Variants in ZSWIM5 observed in about 807,000 individuals in gnomAD.
ZSWIM5 encodes zinc finger SWIM domain-containing protein 5.
Under a neutral mutation model 119.6 loss-of-function variants are expected in ZSWIM5, and 55 were observed. The observed-to-expected ratio is 0.46, with a 90% CI of 0.37 to 0.58. ZSWIM5 has a LOEUF of 0.58. Among genes scored for constraint, ZSWIM5 ranks in the 20% least tolerant of loss-of-function variants. The probability of loss-of-function intolerance (pLI) is 0.00; values close to 1 mark genes in which losing one functional copy is unlikely to be tolerated. For missense variants in ZSWIM5, 1,193 were observed against 1,512.8 expected, an observed-to-expected ratio of 0.79 and a Z score of 3.51; for synonymous variants, 537 against 606.9, an observed-to-expected ratio of 0.88 and a Z score of 1.69.
chr1:45,038,987 T>C lies in ZSWIM5; in HGVS notation c.1843A>G (p.Thr615Ala). The C allele has an allele frequency of 1.9e-6, 3 of 1,614,122 alleles. No individual in the cohort carries two copies. Among genetic ancestry groups the C allele is most frequent in the Non-Finnish European group, 2.5e-6 (3 of 1,180,024 alleles). Residue 615 changes from threonine to alanine, a missense_variant, in exon 8 of 14, where the codon ACT becomes GCT. Thr to Ala is a moderately conservative substitution (Grantham distance 58, BLOSUM62 0). This residue lies in a region of ZSWIM5 where 961 missense variants were observed against 1,290.0 expected (regional missense o/e 0.74). Transcript: ENST00000359600. ...PLDPIDCLFL[T>A]LTEACRLNDD... Reference sequence around the variant, plus strand: ...TTCAGGCGGCAGGCCTCAGTCAAAGTGAGAAACAGGCAGTCGATGGGATCC... The same window carrying C: ...TTCAGGCGGCAGGCCTCAGTCAAAGCGAGAAACAGGCAGTCGATGGGATCC...
chr1:45,146,603 C>A (rs1645762448), intron 1 of ZSWIM5, among the ~76,000 whole-genome samples: 1 of 151,746 alleles, frequency 6.6e-6, no homozygotes, highest in Non-Finnish European at 1.5e-5. Context: ...CCACGCCTGG[C>A]TAATTTTTGT....
chr1:45,058,847 T>G, intron 3 of ZSWIM5, 88 bp from the exon 4 acceptor site: 1 of 1,468,326 alleles, frequency 6.8e-7, no homozygotes, highest in Non-Finnish European at 9.4e-7. Flanking sequence ...GAAGTGAAGA[T>G]GAAGTATCTG....
chr1:45,114,335 T>C (rs1160599228), intron 1 of ZSWIM5, among the ~76,000 whole-genome samples: 2 of 152,162 alleles, frequency 1.3e-5, no homozygotes, highest in Non-Finnish European at 2.9e-5. Flanking sequence ...AGTATGGTTA[T>C]ATTAATATAA....
At chr1:45,074,022 G>T (rs1645241010) in intron 2 of ZSWIM5, among the ~76,000 whole-genome samples, 1 of 151,912 alleles carries the variant, frequency 6.6e-6, no homozygotes, top group African/African-American at 2.4e-5. Context: ...CTGCTGATAT[G>T]ATGTATCATA....
chr1:45,024,082 G>GT (rs901546875), intron 11 of ZSWIM5, among the ~76,000 whole-genome samples: 13 of 151,068 alleles, frequency 8.6e-5, no homozygotes, highest in African/African-American at 2.7e-4. Flanking sequence ...AGTTTTAAGA[G>GT]TTTTTTGTAT....
At chr1:45,087,251 A>T (rs924735958) in intron 2 of ZSWIM5, among the ~76,000 whole-genome samples, 2 of 152,218 alleles carry the variant, frequency 1.3e-5, no homozygotes, top group African/African-American at 2.4e-5. Flanking sequence ...TATAAAAACA[A>T]GCATTTGTTT....
chr1:45,025,533 T>A (rs1644915844), intron 11 of ZSWIM5, among the ~76,000 whole-genome samples: 1 of 152,214 alleles, frequency 6.6e-6, no homozygotes, highest in African/African-American at 2.4e-5. Context: ...CTTATACATA[T>A]TTTGTTAGAT....
chr1:45,200,921 C>A (rs1008813117), intron 1 of ZSWIM5, among the ~76,000 whole-genome samples: 3 of 152,026 alleles, frequency 2.0e-5, no homozygotes, highest in Non-Finnish European at 4.4e-5. Context: ...AGTCCTAACC[C>A]CCAATACCTC....
chr1:45,034,762 T>C (rs141533923), intron 10 of ZSWIM5, among the ~76,000 whole-genome samples: 2 of 152,262 alleles, frequency 1.3e-5, no homozygotes, highest in African/African-American at 4.8e-5. Flanking sequence ...AATACATTTT[T>C]AAAAAGAATC....
chr1:45,080,695 T>C (rs549564604), intron 2 of ZSWIM5, among the ~76,000 whole-genome samples: 1 of 152,322 alleles, frequency 6.6e-6, no homozygotes, highest in South Asian at 2.1e-4. Context: ...ACAATTGGTG[T>C]AGCCTTCTAT....
At chr1:45,190,937 T>G (rs1393202576) in intron 1 of ZSWIM5, among the ~76,000 whole-genome samples, 1 of 93,496 alleles carries the variant, frequency 1.1e-5, no homozygotes, top group Non-Finnish European at 2.3e-5. Flanking sequence ...ATTTTTTTTT[T>G]TTTTTTTTTT....
At chr1:45,176,253 C>T (rs1276498000) in intron 1 of ZSWIM5, among the ~76,000 whole-genome samples, 1 of 151,354 alleles carries the variant, frequency 6.6e-6, no homozygotes, top group Non-Finnish European at 1.5e-5. Context: ...TCTCCCTGGT[C>T]TTTATCTTTT....
In ZSWIM5 at chr1:45,038,925, G is replaced by C. The variant is rs1235612395; in HGVS notation, c.1894+11C>G. 6.2e-7 allele frequency: 1 copy of C among 1,612,676 alleles called. No individual in the cohort carries two copies. Among genetic ancestry groups the C allele is most frequent in the Non-Finnish European group, 8.5e-7 (1 of 1,179,852 alleles). On this transcript the variant is annotated intron_variant, in intron 8 of 13. Transcript: ENST00000359600. ...GGGCAGTCTTGGTTTGCCTCAGGCT[G>C]ACCCCTGTACCTGACATCTCCAGAT...
At chr1:45,069,578 A>C (rs1311961514) in intron 2 of ZSWIM5, among the ~76,000 whole-genome samples, 3 of 152,154 alleles carry the variant, frequency 2.0e-5, no homozygotes, top group Non-Finnish European at 2.9e-5. Context: ...TTAATTTTTG[A>C]TACATTTTTC....
In ZSWIM5 at chr1:45,133,423, T is replaced by G. The variant is rs551233445; in HGVS notation, c.596-45186A>C. Among the ~76,000 whole-genome samples, 18 of 152,360 alleles carry G rather than the reference T, an allele frequency of 1.2e-4. No individual in the cohort carries two copies. In the South Asian group the frequency reaches 1.7e-3, roughly 14 times the overall value. On this transcript the variant is annotated intron_variant, in intron 1 of 13. Transcript: ENST00000359600. Reference sequence around the variant, plus strand: ...TGCATAAATGTCTTCTTTTGAGAAGTGTCCATTCATATCCTTTGCCCACTT... The same window carrying G: ...TGCATAAATGTCTTCTTTTGAGAAGGGTCCATTCATATCCTTTGCCCACTT...
chr1:45,090,860 G>C (rs978295419), intron 1 of ZSWIM5, among the ~76,000 whole-genome samples: 5 of 151,440 alleles, frequency 3.3e-5, no homozygotes, highest in African/African-American at 1.2e-4. Flanking sequence ...CTAAAGAAGA[G>C]AACTGTAGGG....
At chr1:45,182,489 G>A (rs1234545503) in intron 1 of ZSWIM5, among the ~76,000 whole-genome samples, 1 of 151,954 alleles carries the variant, frequency 6.6e-6, no homozygotes, top group African/African-American at 2.4e-5. Flanking sequence ...TCAGTGTGCT[G>A]TATTCAGGAA....
chr1:45,069,286 C>T (rs1645206040), intron 2 of ZSWIM5, among the ~76,000 whole-genome samples: 1 of 150,528 alleles, frequency 6.6e-6, no homozygotes, highest in South Asian at 2.2e-4. Flanking sequence ...ATTAGCCGGG[C>T]GTGGTGGTGG....
chr1:45,043,845 C>T (rs1645031156), intron 5 of ZSWIM5, among the ~76,000 whole-genome samples: 1 of 152,136 alleles, frequency 6.6e-6, no homozygotes, highest in African/African-American at 2.4e-5. Flanking sequence ...TTCATACTAA[C>T]TTTCCCTTAT....
Sources: gnomAD v4.1 joint callset for allele counts (sites outside exome capture counted in the v4.1 genomes callset) on GRCh38, gnomAD v4.1.1 for gene constraint, gnomAD v4.1.1 regional missense constraint, MANE v1.5 for transcripts, NCBI Gene and HGNC (gene_info 2026-07-23, HGNC 2026-07-21) for gene names.